The following TAS1R3 variants were observed in gnomAD, a reference collection of about 807,000 sequenced individuals.
The protein encoded by TAS1R3 is taste receptor type 1 member 3.
A neutral mutation model predicts 46.1 loss-of-function variants in TAS1R3; 58 were observed. That is an observed-to-expected ratio of 1.26 (90% CI 1.02 to 1.57). TAS1R3 has a LOEUF of 1.57. Among genes scored for constraint, TAS1R3 ranks in the 40% most tolerant of loss-of-function variants. TAS1R3 has a pLI of 0.00. For missense variants in TAS1R3, 1,422 were observed against 1,185.8 expected (o/e 1.20, Z -2.93); for synonymous variants, 724 against 544.7 (o/e 1.33, Z -4.58).
chr1:1,333,942 C>G lies in TAS1R3; in HGVS notation c.2037C>G (p.Pro679=), dbSNP rs1024958355. 1 of 1,600,068 alleles carries G rather than the reference C, an allele frequency of 6.2e-7. No homozygotes were observed. Among genetic ancestry groups the G allele is most frequent in the Non-Finnish European group, 8.5e-7 (1 of 1,179,770 alleles). The change falls in exon 6 of 6, where the codon CCC becomes CCG. Residue 679 remains proline (P), a synonymous_variant. Coordinates refer to ENST00000339381, the MANE Select transcript of TAS1R3 (RefSeq NM_152228.3). ...ADRLSGCLRG[P]WAWLVVLLAM... is the part of the protein sequence containing the mutation. ...GGCTGAGTGGCTGCCTGCGGGGGCC[C>G]TGGGCCTGGCTGGTGGTGCTGCTGG...
In TAS1R3 at chr1:1,332,537, C is replaced by A; in HGVS notation, c.1006C>A (p.Gln336Lys). 6.2e-7 allele frequency: 1 copy of A among 1,611,846 alleles called. No individual in the cohort carries two copies. Among genetic ancestry groups the A allele is most frequent in the Non-Finnish European group, 8.5e-7 (1 of 1,179,950 alleles). ...GGGTGCCCAGCTGCACGAGTTCCCC[C>A]AGTACGTGAAGACGCACCTGGCCCT... ...QRGAQLHEFP[Q>K]YVKTHLALAT... Residue 336 changes from glutamine (Q) to lysine (K), a missense_variant, in exon 3 of 6, where the codon CAG becomes AAG. Coordinates refer to ENST00000339381, the MANE Select transcript of TAS1R3 (RefSeq NM_152228.3).
At chr1:1,332,882 G>A (rs757582167) in intron 3 of TAS1R3, 39 bp from the exon 4 acceptor site, 3 of 1,590,058 alleles carry the variant, frequency 1.9e-6, no homozygotes, top group Non-Finnish European at 2.6e-6. Flanking sequence ...CGCCTGAGCT[G>A]GAGGTGGCTG....
In TAS1R3 at chr1:1,332,235, T is replaced by C; in HGVS notation, c.704T>C (p.Ile235Thr). ...TCGGCCCTGGCCGCGGCACGCGGCATCTGCATCGCGCACGAGGGCCTGGTG... is the reference window on the plus strand; with the variant it reads ...TCGGCCCTGGCCGCGGCACGCGGCACCTGCATCGCGCACGAGGGCCTGGTG... The part of the protein sequence containing the change: ...IFSALAAARG[I>T]CIAHEGLVPL... The change falls in exon 3 of 6, where the codon ATC (isoleucine) becomes ACC (threonine). Residue 235 changes from isoleucine (I) to threonine (T), a missense_variant. Ile to Thr is a moderately conservative substitution (Grantham distance 89, BLOSUM62 -1). Transcript: ENST00000339381. 1.3e-6 allele frequency: 2 copies of C among 1,594,458 alleles called. No homozygotes were observed. Among genetic ancestry groups the C allele is most frequent in the East Asian group, 2.2e-5 (1 of 44,596 alleles).
chr1:1,333,297 C>A lies in TAS1R3; in HGVS notation c.1518C>A (p.Gly506=), dbSNP rs1442784730. 3.8e-6 allele frequency: 6 copies of A among 1,598,384 alleles called. No homozygotes were observed. The highest frequency in any genetic ancestry group is 1.3e-5 in the African/African-American group (1 of 74,692). The part of the protein sequence containing the change: ...VSRCSRQCQE[G]QVRRVKGFHS... ...GGTGCTCGCGGCAGTGCCAGGAGGGCCAGGTGCGCCGGGTCAAGGGGTTCC... is the reference window on the plus strand; with the variant it reads ...GGTGCTCGCGGCAGTGCCAGGAGGGACAGGTGCGCCGGGTCAAGGGGTTCC... Residue 506 remains glycine (G), a synonymous_variant, in exon 5 of 6, where the codon GGC becomes GGA. Coordinates refer to ENST00000339381, the MANE Select transcript of TAS1R3 (RefSeq NM_152228.3).
At position 1,333,068 on chromosome 1, in the gene TAS1R3, A is replaced by T; in HGVS notation, c.1423A>T (p.Asn475Tyr). Residue 475 changes from asparagine to tyrosine, a missense_variant, in exon 4 of 6, where the codon AAC becomes TAC. By Grantham distance (143) the Asn-to-Tyr change is moderately radical. Coordinates refer to ENST00000339381, the MANE Select transcript of TAS1R3 (RefSeq NM_152228.3). ...VPRLHDVGRF[N>Y]GSLRTERLKI... is the part of the protein sequence containing the mutation. ...CAGGCTCCACGACGTGGGCAGGTTC[A>T]ACGGCAGCCTCAGGACAGAGCGCCT... 6.2e-7 allele frequency: 1 copy of T among 1,612,690 alleles called. No homozygotes were observed. Among genetic ancestry groups the T allele is most frequent in the East Asian group, 2.2e-5 (1 of 44,876 alleles).
chr1:1,331,604 C>T lies in TAS1R3; in HGVS notation c.192-34C>T, dbSNP rs180728026. On this transcript the variant is annotated intron_variant, in intron 1 of 5. Coordinates refer to ENST00000339381, the MANE Select transcript of TAS1R3 (RefSeq NM_152228.3). ...GTCTGGGGTGCTCCTGAGCTGGGGC[C>T]GAGGTGGCCATCTGCGGTTCTGTGT... 4.6e-4 allele frequency: 739 copies of T among 1,605,460 alleles called. 4 individuals carry two copies. In the African/African-American group the frequency reaches 9.3e-3, roughly 20 times the overall value.
At position 1,332,677 on chromosome 1, in the gene TAS1R3, C is replaced by T. The variant is rs139374386; in HGVS notation, c.1146C>T (p.Ser382=). 3.9e-4 allele frequency: 630 copies of T among 1,605,268 alleles called. 2 individuals are homozygous for T. The African/African-American group carries it at 6.9e-3, about 18-fold the overall frequency. The stretch of plus-strand genomic sequence containing the variant: ...ACTGCATCACGCTGCAGAACGTGAG[C>T]GCAGGGCTAAATCACCACCAGACGT... ...QCDCITLQNV[S]AGLNHHQTFS... The change falls in exon 3 of 6, where the codon AGC becomes AGT. Residue 382 remains serine, a synonymous_variant. Coordinates refer to ENST00000339381, the MANE Select transcript of TAS1R3 (RefSeq NM_152228.3).
rs556809593 is a variant in TAS1R3 at position 1,332,470 on chromosome 1, C to T, written c.939C>T (p.Pro313=). The T allele has an allele frequency of 1.9e-5, 31 of 1,609,784 alleles. No individual in the cohort carries two copies. The highest frequency in any genetic ancestry group is 3.3e-4 in the Middle Eastern group (2 of 6,062). The change falls in exon 3 of 6, where the codon CCC becomes CCT. Residue 313 remains proline, a synonymous_variant. Transcript: ENST00000339381. Reference sequence around the variant, plus strand: ...CCTCTGACCTGGTCATGGGGCTGCCCGGCATGGCCCAGATGGGCACGGTGC... The same window carrying T: ...CCTCTGACCTGGTCATGGGGCTGCCTGGCATGGCCCAGATGGGCACGGTGC... ...WLTSDLVMGL[P]GMAQMGTVLG...
chr1:1,332,001 G>C (rs1643439000), intron 2 of TAS1R3, 23 bp from the exon 3 acceptor site: 1 of 1,610,254 alleles, frequency 6.2e-7, no homozygotes, highest in East Asian at 2.2e-5. Flanking sequence ...CCTGTGTCAG[G>C]AGATGCCTCT....
chr1:1,334,641 A>G lies in TAS1R3; in HGVS notation c.*177A>G. ...CCTGGAGCACGTGGACACCCCTGTG[A>G]CCATCTGGGCCCCAGAGCCAAGCTG... On this transcript the variant is annotated 3_prime_UTR_variant, in exon 6 of 6. Coordinates refer to ENST00000339381, the MANE Select transcript of TAS1R3 (RefSeq NM_152228.3). The G allele has an allele frequency of 1.4e-6, 1 of 698,086 alleles. No individual in the cohort carries two copies. The highest frequency in any genetic ancestry group is 2.8e-5 in the East Asian group (1 of 35,892). 43.2% of individuals were successfully genotyped at this position (698,086 alleles called of 1,614,324 possible). A position where few individuals can be genotyped will look rare whatever the true frequency, so the allele number is the denominator to read the frequency against.
chr1:1,331,444 G>A lies in TAS1R3; in HGVS notation c.99G>A (p.Gly33=), dbSNP rs1353098752. The A allele has an allele frequency of 1.9e-6, 3 of 1,604,250 alleles. No homozygotes were observed. Among genetic ancestry groups the A allele is most frequent in the Non-Finnish European group, 2.5e-6 (3 of 1,177,086 alleles). ...LCLSQQLRMK[G]DYVLGGLFPL... ...TGTCACAGCAACTTAGGATGAAGGG[G>A]GACTACGTGCTGGGGGGGCTGTTCC... is the stretch of plus-strand genomic sequence containing the variant. The change falls in exon 1 of 6, where the codon GGG becomes GGA. Residue 33 remains glycine, a synonymous_variant. Transcript: ENST00000339381.
Position 1,334,285 on chromosome 1 carries a change from C to T in TAS1R3, c.2380C>T (p.Gln794Ter), listed in dbSNP as rs140102435. Residue 794 changes from glutamine (Q) to a stop codon, truncating the protein, a stop_gained, in exon 6 of 6, where the codon CAG (glutamine) becomes TAG (stop). Coordinates refer to ENST00000339381, the MANE Select transcript of TAS1R3 (RefSeq NM_152228.3). LOFTEE classifies it low-confidence loss of function (END_TRUNC). ...GCAGGTGGTCCTCAGGCCCGCCGTG[C>T]AGATGGGCGCCCTCCTGCTCTGTGT... The part of the protein sequence containing the change: ...NVQVVLRPAV[Q>*]MGALLLCVLG... The T allele has an allele frequency of 2.5e-6, 4 of 1,611,700 alleles. No individual in the cohort carries two copies. Among genetic ancestry groups the T allele is most frequent in the Admixed American group, 1.7e-5 (1 of 59,972 alleles).
At chr1:1,333,182 G>A (rs1643470734) in intron 4 of TAS1R3, 58 bp downstream of exon 4, 3 of 1,591,364 alleles carry the variant, frequency 1.9e-6, no homozygotes, top group Non-Finnish European at 2.6e-6. Context: ...GCAGGGCGCA[G>A]CCTGGGGGTG....
Position 1,333,895 on chromosome 1 carries a change from C to A in TAS1R3, c.1990C>A (p.Leu664Met). The A allele has an allele frequency of 1.2e-6, 2 of 1,600,788 alleles. No homozygotes were observed. The highest frequency in any genetic ancestry group is 1.7e-6 in the Non-Finnish European group (2 of 1,179,850). Residue 664 changes from leucine to methionine, a missense_variant, in exon 6 of 6, where the codon CTG (leucine) becomes ATG (methionine). Physicochemically the swap from Leu to Met is conservative, Grantham distance 15 (BLOSUM62 2). Coordinates refer to ENST00000339381, the MANE Select transcript of TAS1R3 (RefSeq NM_152228.3). Reference sequence around the variant, plus strand: ...GGCCGAGATCTTCGTGGAGTCAGAACTGCCTCTGAGCTGGGCAGACCGGCT... The same window carrying A: ...GGCCGAGATCTTCGTGGAGTCAGAAATGCCTCTGAGCTGGGCAGACCGGCT... ...QAAEIFVESE[L>M]PLSWADRLSG... is the part of the protein sequence containing the mutation.
rs745528793 is a variant in TAS1R3 at position 1,334,096 on chromosome 1, G to A, written c.2191G>A (p.Gly731Ser). 19 of 1,587,514 alleles carry A rather than the reference G, an allele frequency of 1.2e-5. No individual in the cohort carries two copies. Among genetic ancestry groups the A allele is most frequent in the East Asian group, 6.9e-5 (3 of 43,518 alleles). ...HCRTRSWVSF[G>S]LAHATNATLA... is the part of the protein sequence containing the mutation. ...CCGCACACGCTCCTGGGTCAGCTTC[G>A]GCCTAGCGCACGCCACCAATGCCAC... The change falls in exon 6 of 6, where the codon GGC becomes AGC. Residue 731 changes from glycine (G) to serine (S), a missense_variant. Coordinates refer to ENST00000339381, the MANE Select transcript of TAS1R3 (RefSeq NM_152228.3).
At position 1,331,572 on chromosome 1, in the gene TAS1R3, T is replaced by C. The variant is rs1402126387; in HGVS notation, c.191+36T>C. 8 of 1,601,132 alleles carry C rather than the reference T, an allele frequency of 5.0e-6. No homozygotes were observed. In the East Asian group the frequency reaches 9.0e-5, roughly 18 times the overall value. On this transcript the variant is annotated intron_variant, in intron 1 of 5. Transcript: ENST00000339381. ...GGGACGGCCTGGGTCGGGGTCAGGG[T>C]GACCAGGTCTGGGGTGCTCCTGAGC... is the stretch of plus-strand genomic sequence containing the variant.
intron 2 of TAS1R3, 42 bp from the exon 3 acceptor site, chr1:1,331,982 G>T: frequency 1.6e-6 from 1 of 641,402 alleles, no homozygotes; most frequent in Non-Finnish European, 2.6e-6. Flanking sequence ...AGCCCTGCCC[G>T]TGGGAGCCCC....
In TAS1R3 at chr1:1,333,809, C is replaced by T. The variant is rs1643490263; in HGVS notation, c.1904C>T (p.Ala635Val). The T allele has an allele frequency of 6.9e-6, 11 of 1,597,156 alleles. No individual in the cohort carries two copies. The highest frequency in any genetic ancestry group is 9.3e-6 in the Non-Finnish European group (11 of 1,177,400). ...PGQPSPARCL[A>V]QQPLSHLPLT... is the part of the protein sequence containing the mutation. ...CAGCCCAGCCCTGCCCGATGCCTGG[C>T]CCAGCAGCCCTTGTCCCACCTCCCG... Residue 635 changes from alanine (A) to valine (V), a missense_variant, in exon 6 of 6, where the codon GCC becomes GTC. By Grantham distance (64) the Ala-to-Val change is moderately conservative. Coordinates refer to ENST00000339381, the MANE Select transcript of TAS1R3 (RefSeq NM_152228.3).
chr1:1,333,940 C>G lies in TAS1R3; in HGVS notation c.2035C>G (p.Pro679Ala). ...ADRLSGCLRG[P>A]WAWLVVLLAM... ...CCGGCTGAGTGGCTGCCTGCGGGGG[C>G]CCTGGGCCTGGCTGGTGGTGCTGCT... The change falls in exon 6 of 6, where the codon CCC (proline) becomes GCC (alanine). Residue 679 changes from proline to alanine, a missense_variant. Physicochemically the swap from Pro to Ala is conservative, Grantham distance 27. Coordinates refer to ENST00000339381, the MANE Select transcript of TAS1R3 (RefSeq NM_152228.3). 1.2e-6 allele frequency: 2 copies of G among 1,601,100 alleles called. No individual in the cohort carries two copies. The highest frequency in any genetic ancestry group is 2.2e-5 in the South Asian group (2 of 91,064).
Sources: allele counts gnomAD v4.1 joint callset, GRCh38; gene constraint gnomAD v4.1.1; transcripts MANE v1.5; gene names NCBI Gene and HGNC (gene_info 2026-07-23, HGNC 2026-07-21).